The following PCDHA3 variants were observed in gnomAD, a reference collection of about 807,000 sequenced individuals.
PCDHA3 encodes protocadherin alpha 3.
A neutral mutation model predicts 62.2 loss-of-function variants in PCDHA3; 41 were observed. The ratio of observed to expected loss-of-function variants is 0.66; its 90% CI spans 0.51 to 0.86. The LOEUF is 0.86. Among genes scored for constraint, PCDHA3 ranks in the 40% least tolerant of loss-of-function variants. The probability of loss-of-function intolerance (pLI) is 0.00; values close to 1 mark genes in which losing one functional copy is unlikely to be tolerated. For synonymous variants in PCDHA3, 640 were observed against 555.4 expected (o/e 1.15, Z -2.14); for missense variants, 1,304 against 1,241.2 (o/e 1.05, Z -0.76).
At chr5:140,835,561 T>A (rs1304711365) in intron 1 of PCDHA3, 6 of 1,613,806 alleles carry the variant, frequency 3.7e-6, no homozygotes, top group Admixed American at 1.7e-5. Context: ...ACGCCCCGCG[T>A]TCCCTTCAAG....
chr5:140,882,265 T>C, intron 1 of PCDHA3: 1 of 1,609,948 alleles, frequency 6.2e-7, no homozygotes, highest in Non-Finnish European at 8.5e-7. Flanking sequence ...TTTTGGAGTG[T>C]ACCATGCTGT....
At chr5:140,941,618 C>A (rs532721732) in intron 1 of PCDHA3, among the ~76,000 whole-genome samples, 1 of 151,904 alleles carries the variant, frequency 6.6e-6, no homozygotes, top group African/African-American at 2.4e-5. Context: ...CCCAGCCCAT[C>A]CTGCTTCTTA....
intron 1 of PCDHA3, chr5:140,821,836 G>T: frequency 6.2e-7 from 1 of 1,614,108 alleles, no homozygotes. Context: ...GCTTCTCCTT[G>T]CCTACTGGAA....
intron 1 of PCDHA3, chr5:140,862,721 C>T (rs1019011354): frequency 3.5e-6 from 2 of 566,878 alleles, no homozygotes; most frequent in Admixed American, 3.8e-5. Context: ...GGCGAGTGCG[C>T]GCTGTCTAGC....
chr5:140,876,623 A>G (rs2056465121), intron 1 of PCDHA3: 1 of 1,614,086 alleles, frequency 6.2e-7, no homozygotes, highest in East Asian at 2.2e-5. Context: ...GCCAATGGAC[A>G]GGTCATCTGC....
chr5:140,878,662 C>T (rs1479409326), intron 1 of PCDHA3, among the ~76,000 whole-genome samples: 1 of 152,194 alleles, frequency 6.6e-6, no homozygotes, highest in African/African-American at 2.4e-5. Flanking sequence ...CCAGAGGCTT[C>T]TCTTTAACCA....
At chr5:140,935,127 T>C (rs1223390448) in intron 1 of PCDHA3, among the ~76,000 whole-genome samples, 1 of 152,170 alleles carries the variant, frequency 6.6e-6, no homozygotes, top group Non-Finnish European at 1.5e-5. Flanking sequence ...TTATTTTTAG[T>C]GAAAGATGAT....
At chr5:140,968,749 G>A in intron 1 of PCDHA3, 1 of 1,614,150 alleles carries the variant, frequency 6.2e-7, no homozygotes, top group Non-Finnish European at 8.5e-7. Context: ...TGACCGTGGT[G>A]GTCCGAGATA....
At position 140,801,062 on chromosome 5, in the gene PCDHA3, G is replaced by A. The variant is rs1554121267; in HGVS notation, c.-136G>A. 1.4e-6 allele frequency: 2 copies of A among 1,455,288 alleles called. No individual in the cohort carries two copies. Among genetic ancestry groups the A allele is most frequent in the East Asian group, 2.4e-5 (1 of 42,110 alleles). The allele number at this position is 1,455,288 out of a possible 1,614,324, so 90.1% of individuals were successfully genotyped here. ...CAAAAGAAATAACAGCGTGCATTACGTATTCAGATACTGCTTTGCTTCATC... is the reference window on the plus strand; with the variant it reads ...CAAAAGAAATAACAGCGTGCATTACATATTCAGATACTGCTTTGCTTCATC... On this transcript the variant is annotated 5_prime_UTR_variant, in exon 1 of 4. Coordinates refer to ENST00000522353, the MANE Select transcript of PCDHA3 (RefSeq NM_018906.3).
At chr5:140,929,298 A>G (rs1554206937) in intron 1 of PCDHA3, 26 of 1,591,722 alleles carry the variant, frequency 1.6e-5, no homozygotes, top group Non-Finnish European at 2.1e-5. Context: ...GGAATAGGAA[A>G]GGGGATCACG....
In PCDHA3 at chr5:140,982,557, A is replaced by G. The variant is rs199851685; in HGVS notation, c.2536A>G (p.Thr846Ala). 6.2e-7 allele frequency: 1 copy of G among 1,614,138 alleles called. No homozygotes were observed. The highest frequency in any genetic ancestry group is 1.7e-5 in the Admixed American group (1 of 60,030). The change falls in exon 3 of 4, where the codon ACA becomes GCA. Residue 846 changes from threonine (T) to alanine (A), a missense_variant. Physicochemically the swap from Thr to Ala is moderately conservative, Grantham distance 58. Transcript: ENST00000522353. ...GCAGTGGCCAACAGTATCCAGTGCAACACCAGGTAAAGAGCTGGGGTCTCT... is the reference window on the plus strand; with the variant it reads ...GCAGTGGCCAACAGTATCCAGTGCAGCACCAGGTAAAGAGCTGGGGTCTCT... Reference protein sequence around the residue: ...DQQWPTVSSATPEPEAGEVSP... With the variant: ...DQQWPTVSSAAPEPEAGEVSP...
chr5:140,883,860 T>C, intron 1 of PCDHA3: 2 of 1,613,044 alleles, frequency 1.2e-6, no homozygotes, highest in Non-Finnish European at 1.7e-6. Flanking sequence ...CTGGAGCTGT[T>C]GCAGTTCCAG....
At chr5:140,943,501 T>C (rs1235998322) in intron 1 of PCDHA3, among the ~76,000 whole-genome samples, 1 of 152,088 alleles carries the variant, frequency 6.6e-6, no homozygotes, top group Non-Finnish European at 1.5e-5. Flanking sequence ...GCTATCAAGG[T>C]TCATGGAAAT....
chr5:140,951,933 A>T (rs2094659165), intron 1 of PCDHA3, among the ~76,000 whole-genome samples: 1 of 152,164 alleles, frequency 6.6e-6, no homozygotes, highest in African/African-American at 2.4e-5. Context: ...TACTCCCAAG[A>T]TACAGTGCGG....
At chr5:140,850,141 T>G in intron 1 of PCDHA3, 1 of 1,595,586 alleles carries the variant, frequency 6.3e-7, no homozygotes, top group Non-Finnish European at 8.6e-7. Context: ...GGCAGCAACG[T>G]GACGCTGCAG....
At chr5:140,882,482 G>C (rs200256955) in intron 1 of PCDHA3, 38 of 1,613,930 alleles carry the variant, frequency 2.4e-5, no homozygotes, top group Admixed American at 8.3e-5. Flanking sequence ...CAAAAGACAC[G>C]GGGACCTTCT....
intron 1 of PCDHA3, among the ~76,000 whole-genome samples, chr5:140,932,619 A>T (rs535899807): frequency 5.3e-5 from 8 of 152,056 alleles, no homozygotes; most frequent in African/African-American, 1.9e-4. Context: ...TGAAGCTGAT[A>T]ACCACACTAA....
At chr5:140,979,051 G>T (rs1554240209) in intron 2 of PCDHA3, 44 bp downstream of exon 2, 1 of 1,609,534 alleles carries the variant, frequency 6.2e-7, no homozygotes, top group South Asian at 1.1e-5. Flanking sequence ...ACCTTAACTT[G>T]GTATGGCTCA....
At chr5:140,855,056 G>C (rs1045590902) in intron 1 of PCDHA3, among the ~76,000 whole-genome samples, 1 of 149,630 alleles carries the variant, frequency 6.7e-6, no homozygotes, top group Non-Finnish European at 1.5e-5. Flanking sequence ...GTACTTTTCT[G>C]TTTTCTTAAA....
Sources: gnomAD v4.1 joint callset for allele counts (sites outside exome capture counted in the v4.1 genomes callset) on GRCh38, gnomAD v4.1.1 for gene constraint, MANE v1.5 for transcripts, NCBI Gene and HGNC (gene_info 2026-07-23, HGNC 2026-07-21) for gene names.